The following WDR81 variants were observed in gnomAD, a reference collection of about 807,000 sequenced individuals.
WDR81 encodes WD repeat domain 81.
A neutral mutation model predicts 140.8 loss-of-function variants in WDR81; 92 were observed. The ratio of observed to expected loss-of-function variants is 0.65; its 90% CI spans 0.55 to 0.78. WDR81 has a LOEUF of 0.78. WDR81 is among the 30% of genes least tolerant of loss of function. WDR81 has a pLI of 0.00. For synonymous variants in WDR81, 1,183 were observed against 1,156.4 expected (o/e 1.02, Z -0.47); for missense variants, 2,502 against 2,636.4 (o/e 0.95, Z 1.12).
At chr17:1,729,912 C>T (rs761365200) in intron 1 of WDR81, among the ~76,000 whole-genome samples, 7 of 148,636 alleles carry the variant, frequency 4.7e-5, no homozygotes, top group South Asian at 2.1e-4. Context: ...AGAGTCAGGG[C>T]GGTGGAAGGT....
At position 1,728,508 on chromosome 17, in the gene WDR81, G is replaced by A. The variant is rs371824714; in HGVS notation, c.3549G>A (p.Leu1183=). Residue 1183 remains leucine, a synonymous_variant, in exon 1 of 10, where the codon CTG becomes CTA. Coordinates refer to ENST00000409644, the MANE Select transcript of WDR81 (RefSeq NM_001163809.2). ...EEVTGASELT[L]SDTVLSMETV... ...TCACCGGGGCATCTGAGCTCACTCTGTCTGACACGGTGCTGTCCATGGAGA... is the reference window on the plus strand; with the variant it reads ...TCACCGGGGCATCTGAGCTCACTCTATCTGACACGGTGCTGTCCATGGAGA... 3.8e-6 allele frequency: 6 copies of A among 1,584,394 alleles called. No individual in the cohort carries two copies. Among genetic ancestry groups the A allele is most frequent in the Admixed American group, 1.8e-5 (1 of 54,214 alleles).
In WDR81 at chr17:1,726,831, A is replaced by C. The variant is rs1477908524; in HGVS notation, c.1872A>C (p.Glu624Asp). 6.5e-7 allele frequency: 1 copy of C among 1,549,928 alleles called. No individual in the cohort carries two copies. The highest frequency in any genetic ancestry group is 8.7e-7 in the Non-Finnish European group (1 of 1,146,886). The change falls in exon 1 of 10, where the codon GAA becomes GAC. Residue 624 changes from glutamate (E) to aspartate (D), a missense_variant. By Grantham distance (45) the Glu-to-Asp change is conservative (BLOSUM62 2). Transcript: ENST00000409644. ...QETTGREDFT[E>D]NPGQLPNGVG... ...CCACAGGCCGGGAGGACTTCACGGAAAACCCGGGACAGCTTCCAAATGGAG... is the reference window on the plus strand; with the variant it reads ...CCACAGGCCGGGAGGACTTCACGGACAACCCGGGACAGCTTCCAAATGGAG...
chr17:1,734,126 C>T lies in WDR81; in HGVS notation c.5089C>T (p.Arg1697Cys), dbSNP rs758881902. 71 of 1,600,140 alleles carry T rather than the reference C, an allele frequency of 4.4e-5. No individual in the cohort carries two copies. The highest frequency in any genetic ancestry group is 5.5e-5 in the Non-Finnish European group (65 of 1,179,836). Reference protein sequence around the residue: ...TAPRLVYTQHRKSVFFVGQLE... With the variant: ...TAPRLVYTQHCKSVFFVGQLE... ...CCCACGCCTCGTCTACACCCAGCAC[C>T]GCAAGAGCGTCTTCTTCGTGGGCCA... Residue 1697 changes from arginine to cysteine, a missense_variant, in exon 7 of 10, where the codon CGC (arginine) becomes TGC (cysteine). Arg to Cys is a radical substitution (Grantham distance 180, BLOSUM62 -3). Transcript: ENST00000409644.
intron 7 of WDR81, among the ~76,000 whole-genome samples, chr17:1,734,423 G>A (rs1168048967): frequency 1.3e-5 from 2 of 152,260 alleles, no homozygotes; most frequent in African/African-American, 4.8e-5. Context: ...CCTTGAGCAA[G>A]TTCCTGCTGC....
chr17:1,728,717 G>A (rs1915476121), intron 1 of WDR81, 91 bp downstream of exon 1: 6 of 1,369,124 alleles, frequency 4.4e-6, no homozygotes, highest in Non-Finnish European at 5.7e-6. Flanking sequence ...CACTTTGGGA[G>A]GCTGAGGCGG....
rs1211485829 is a variant in WDR81 at position 1,726,857 on chromosome 17, T to A, written c.1898T>A (p.Val633Glu). Residue 633 changes from valine to glutamate, a missense_variant, in exon 1 of 10, where the codon GTG becomes GAG. Coordinates refer to ENST00000409644, the MANE Select transcript of WDR81 (RefSeq NM_001163809.2). The part of the protein sequence containing the change: ...TENPGQLPNG[V>E]GRPVLEATPC... Reference sequence around the variant, plus strand: ...AACCCGGGACAGCTTCCAAATGGAGTGGGCCGGCCAGTTTTAGAGGCCACT... The same window carrying A: ...AACCCGGGACAGCTTCCAAATGGAGAGGGCCGGCCAGTTTTAGAGGCCACT... 1 of 1,549,604 alleles carries A rather than the reference T, an allele frequency of 6.5e-7. No homozygotes were observed. The highest frequency in any genetic ancestry group is 2.4e-5 in the East Asian group (1 of 40,892).
rs117522064 is a variant in WDR81, at chr17:1,736,056, C to T, written c.5343C>T (p.Gly1781=). The change falls in exon 9 of 10, where the codon GGC becomes GGT. Residue 1781 remains glycine (G), a synonymous_variant. Transcript: ENST00000409644. The part of the protein sequence containing the change: ...KPGLQHEFRL[G]GGLNPGLVRA... ...CCCTGCAGCACGAGTTCCGACTGGG[C>T]GGTGGGCTGAACCCTGGGCTTGTCC... is the stretch of plus-strand genomic sequence containing the variant. The T allele has an allele frequency of 0.032, 50,996 of 1,598,870 alleles. 951 individuals are homozygous for T. Among genetic ancestry groups the T allele is most frequent in the South Asian group, 0.038 (3,494 of 90,916 alleles).
At position 1,727,519 on chromosome 17, in the gene WDR81, G is replaced by A; in HGVS notation, c.2560G>A (p.Gly854Ser). The A allele has an allele frequency of 6.4e-7, 1 of 1,550,398 alleles. No homozygotes were observed. Among genetic ancestry groups the A allele is most frequent in the East Asian group, 2.4e-5 (1 of 40,918 alleles). The change falls in exon 1 of 10, where the codon GGC (glycine) becomes AGC (serine). Residue 854 changes from glycine (G) to serine (S), a missense_variant. Physicochemically the swap from Gly to Ser is moderately conservative, Grantham distance 56 (BLOSUM62 0). Coordinates refer to ENST00000409644, the MANE Select transcript of WDR81 (RefSeq NM_001163809.2). ...QLFEYRPVSQ[G>S]LPPPCPSQLL... ...GTTTGAGTACAGGCCTGTCTCCCAG[G>A]GCCTGCCCCCACCCTGCCCAAGCCA... is the stretch of plus-strand genomic sequence containing the variant.
chr17:1,727,805 T>A lies in WDR81; in HGVS notation c.2846T>A (p.Val949Asp). The change falls in exon 1 of 10, where the codon GTT becomes GAT. Residue 949 changes from valine to aspartate, a missense_variant. Val to Asp is a radical substitution (Grantham distance 152). Transcript: ENST00000409644. ...VYTAWYLFEP[V>D]AKALGPKNAN... ...ACGGCCTGGTATCTGTTTGAGCCTG[T>A]TGCCAAGGCACTGGGCCCCAAAAAT... The A allele has an allele frequency of 2.6e-6, 4 of 1,550,680 alleles. No individual in the cohort carries two copies. Among genetic ancestry groups the A allele is most frequent in the Non-Finnish European group, 3.5e-6 (4 of 1,147,016 alleles).
At position 1,733,753 on chromosome 17, in the gene WDR81, T is replaced by G; in HGVS notation, c.4716T>G (p.Asn1572Lys). 1.2e-6 allele frequency: 2 copies of G among 1,612,398 alleles called. No individual in the cohort carries two copies. The highest frequency in any genetic ancestry group is 3.3e-4 in the Middle Eastern group (2 of 6,060). ...TGGGGAACCGCATTCAGATCCCCAA[T>G]GACTCTCGGCCTGAGAACCCCGGAC... ...VLVGNRIQIP[N>K]DSRPENPGPL... is the part of the protein sequence containing the mutation. Residue 1572 changes from asparagine to lysine, a missense_variant, in exon 7 of 10, where the codon AAT (asparagine) becomes AAG (lysine). Asn to Lys is a moderately conservative substitution (Grantham distance 94). Coordinates refer to ENST00000409644, the MANE Select transcript of WDR81 (RefSeq NM_001163809.2).
chr17:1,728,446 G>A lies in WDR81; in HGVS notation c.3487G>A (p.Val1163Met), dbSNP rs549630324. Residue 1163 changes from valine to methionine, a missense_variant, in exon 1 of 10, where the codon GTG (valine) becomes ATG (methionine). Transcript: ENST00000409644. ...GGAAGAGGAGGAGGAGGACAGCTGC[G>A]TGGTGCTAGAGGAGGAGGAGGGGGA... ...EEEEEEEDSC[V>M]VLEEEEGEQE... 22 of 1,612,288 alleles carry A rather than the reference G, an allele frequency of 1.4e-5. No individual in the cohort carries two copies. Among genetic ancestry groups the A allele is most frequent in the East Asian group, 6.7e-5 (3 of 44,864 alleles).
rs748254148 is a variant in WDR81, at chr17:1,732,463, C to T, written c.4296C>T (p.Phe1432=). The part of the protein sequence containing the change: ...SEPVATFFQV[F]SQLHELRQQD... The stretch of plus-strand genomic sequence containing the variant: ...CCGTGGCCACCTTTTTCCAGGTCTT[C>T]TCTCAGCTGCATGAGCTTCGGCAAC... Residue 1432 remains phenylalanine (F), a synonymous_variant, in exon 5 of 10, where the codon TTC becomes TTT. Coordinates refer to ENST00000409644, the MANE Select transcript of WDR81 (RefSeq NM_001163809.2). The T allele has an allele frequency of 2.2e-5, 36 of 1,613,296 alleles. No individual in the cohort carries two copies. Among genetic ancestry groups the T allele is most frequent in the Non-Finnish European group, 2.6e-5 (31 of 1,180,004 alleles).
In WDR81 at chr17:1,727,169, C is replaced by G; in HGVS notation, c.2210C>G (p.Thr737Arg). 1 of 1,547,642 alleles carries G rather than the reference C, an allele frequency of 6.5e-7. No individual in the cohort carries two copies. Among genetic ancestry groups the G allele is most frequent in the Non-Finnish European group, 8.7e-7 (1 of 1,145,086 alleles). ...PMQALEELEK[T>R]GNFLAKGLGG... ...CAGGCCCTGGAGGAGCTGGAGAAAA[C>G]GGGCAACTTCTTGGCCAAAGGCCTA... Residue 737 changes from threonine (T) to arginine (R), a missense_variant, in exon 1 of 10, where the codon ACG becomes AGG. Transcript: ENST00000409644.
Position 1,727,009 on chromosome 17 carries a change from C to A in WDR81, c.2050C>A (p.Gln684Lys). ...KAGDQLGSSS[Q>K]ASPGLLSFSV... Reference sequence around the variant, plus strand: ...AGGTGACCAGCTGGGCTCCTCCAGTCAAGCGTCCCCTGGACTTCTCTCTTT... The same window carrying A: ...AGGTGACCAGCTGGGCTCCTCCAGTAAAGCGTCCCCTGGACTTCTCTCTTT... Residue 684 changes from glutamine (Q) to lysine (K), a missense_variant, in exon 1 of 10, where the codon CAA (glutamine) becomes AAA (lysine). This residue lies in a region of WDR81 where 1,737 missense variants were observed against 1,843.0 expected (regional missense o/e 0.94). Transcript: ENST00000409644. The A allele has an allele frequency of 6.4e-7, 1 of 1,550,418 alleles. No homozygotes were observed. Among genetic ancestry groups the A allele is most frequent in the Non-Finnish European group, 8.7e-7 (1 of 1,146,986 alleles).
chr17:1,735,893 G>T lies in WDR81; in HGVS notation c.5326-146G>T. The stretch of plus-strand genomic sequence containing the variant: ...GCGGGGCAGGACTCTGGCCTGTGAT[G>T]GGGGTGGGGTTCTGGGCTTTTCATG... On this transcript the variant is annotated intron_variant, in intron 8 of 9. Transcript: ENST00000409644. The surrounding 1 kb of genome is among the most constrained non-coding windows in gnomAD (Gnocchi z 4.2). The T allele has an allele frequency of 8.0e-6, 11 of 1,372,880 alleles. No homozygotes were observed. The highest frequency in any genetic ancestry group is 8.7e-6 in the Non-Finnish European group (9 of 1,029,160). The allele number at this position is 1,372,880 out of a possible 1,614,324, so 85.0% of individuals were successfully genotyped here.
Position 1,730,752 on chromosome 17 carries a change from C to T in WDR81, c.3776-3C>T, listed in dbSNP as rs922578143. 4 of 1,604,582 alleles carry T rather than the reference C, an allele frequency of 2.5e-6. No individual in the cohort carries two copies. In the African/African-American group the frequency reaches 4.0e-5, roughly 16 times the overall value. ...CTCAGGGCTGCTGGCCCTTCCGTGGCAGGACCCACTCGGCAGCAGTTCACA... is the reference window on the plus strand; with the variant it reads ...CTCAGGGCTGCTGGCCCTTCCGTGGTAGGACCCACTCGGCAGCAGTTCACA... On this transcript the variant is annotated splice_polypyrimidine_tract_variant and splice_region_variant and intron_variant, in intron 2 of 9. Coordinates refer to ENST00000409644, the MANE Select transcript of WDR81 (RefSeq NM_001163809.2).
intron 1 of WDR81, among the ~76,000 whole-genome samples, chr17:1,718,699 G>A (rs1053583999): frequency 2.0e-5 from 3 of 152,220 alleles, no homozygotes; most frequent in African/African-American, 4.8e-5. Context: ...TTGGCAAGGC[G>A]TGGAGAAATT....
upstream of WDR81, chr17:1,724,521 G>C (rs1035135004): frequency 1.8e-5 from 18 of 986,260 alleles, no homozygotes; most frequent in Admixed American, 5.5e-4. Context: ...GCCCTCCGCC[G>C]GGCCCGGCTG....
Position 1,728,412 on chromosome 17 carries a change from C to T in WDR81, c.3453C>T (p.Gly1151=). Residue 1151 remains glycine (G), a synonymous_variant, in exon 1 of 10, where the codon GGC becomes GGT. Coordinates refer to ENST00000409644, the MANE Select transcript of WDR81 (RefSeq NM_001163809.2). ...DSSQDLKQSE[G]SEEEEEEEDS... is the part of the protein sequence containing the mutation. ...GCCAGGACTTGAAGCAAAGCGAGGGCTCCGAGGAGGAAGAGGAGGAGGAGG... is the reference window on the plus strand; with the variant it reads ...GCCAGGACTTGAAGCAAAGCGAGGGTTCCGAGGAGGAAGAGGAGGAGGAGG... The T allele has an allele frequency of 6.2e-7, 1 of 1,612,430 alleles. No homozygotes were observed. Among genetic ancestry groups the T allele is most frequent in the Non-Finnish European group, 8.5e-7 (1 of 1,179,602 alleles).
Sources: gnomAD v4.1 joint callset for allele counts (sites outside exome capture counted in the v4.1 genomes callset) on GRCh38, gnomAD v4.1.1 for gene constraint, gnomAD v4.1.1 regional missense constraint, Gnocchi (gnomAD v3.1) non-coding constraint, MANE v1.5 for transcripts, NCBI Gene and HGNC (gene_info 2026-07-23, HGNC 2026-07-21) for gene names.